KCNQ3: variants seen among roughly 807,000 people sequenced by gnomAD.
KCNQ3 encodes the protein potassium voltage-gated channel subfamily Q member 3.
In KCNQ3, 30 loss-of-function variants were observed where a neutral mutation model predicts 92.5. The ratio of observed to expected loss-of-function variants is 0.32; its 90% confidence interval spans 0.24 to 0.44. The LOEUF (loss-of-function observed/expected upper bound fraction) is 0.44, where lower values mean the gene tolerates loss of function less well. Among genes scored for constraint, KCNQ3 ranks in the 20% least tolerant of loss-of-function variants. The pLI is 1.00. For synonymous variants in KCNQ3, 450 were observed against 468.8 expected, an observed-to-expected ratio of 0.96 and a Z score of 0.52; for missense variants, 913 against 1,140.3, an observed-to-expected ratio of 0.80 and a Z score of 2.87.
chr8:132,279,687 T>C (rs1363131984), intron 1 of KCNQ3, among the ~76,000 whole-genome samples: 1 of 152,238 alleles, frequency 6.6e-6, no homozygotes, highest in Non-Finnish European at 1.5e-5. Context: ...TGTATATGTA[T>C]ACACATGATT....
chr8:132,313,359 G>T (rs991812225), intron 1 of KCNQ3, among the ~76,000 whole-genome samples: 1 of 152,160 alleles, frequency 6.6e-6, no homozygotes, highest in African/African-American at 2.4e-5. Context: ...AATTCACAAG[G>T]AAAGGAGAAC....
intron 1 of KCNQ3, among the ~76,000 whole-genome samples, chr8:132,205,139 T>A (rs1040229291): frequency 1.3e-5 from 2 of 152,182 alleles, no homozygotes; most frequent in Non-Finnish European, 2.9e-5. Context: ...TAGGACACAT[T>A]GTATCTGAGA....
At chr8:132,234,703 G>A (rs533754127) in intron 1 of KCNQ3, among the ~76,000 whole-genome samples, 62 of 152,296 alleles carry the variant, frequency 4.1e-4, no homozygotes, top group African/African-American at 1.5e-3. Context: ...GACCAATTAA[G>A]TGATTTGACT....
At chr8:132,234,811 C>T (rs549086873) in intron 1 of KCNQ3, among the ~76,000 whole-genome samples, 4 of 152,270 alleles carry the variant, frequency 2.6e-5, no homozygotes, top group African/African-American at 9.6e-5. Flanking sequence ...ACTTGGATAA[C>T]TGGGAGTTTC....
chr8:132,387,460 T>G (rs1563890197), intron 1 of KCNQ3, among the ~76,000 whole-genome samples: 1 of 152,134 alleles, frequency 6.6e-6, no homozygotes, highest in Admixed American at 6.5e-5. Context: ...TAGTGAAAAC[T>G]TAGAGCTAGT....
At chr8:132,234,916 C>CTA (rs1814762649) in intron 1 of KCNQ3, among the ~76,000 whole-genome samples, 2 of 152,192 alleles carry the variant, frequency 1.3e-5, no homozygotes. Context: ...TGCCTTGCCT[C>CTA]ATACAGTCCA....
chr8:132,388,453 T>C (rs1373800765), intron 1 of KCNQ3, among the ~76,000 whole-genome samples: 2 of 152,128 alleles, frequency 1.3e-5, no homozygotes, highest in African/African-American at 4.8e-5. Context: ...AGGGTACCGA[T>C]TAAAAACTTT....
At chr8:132,464,735 G>A (rs965876035) in intron 1 of KCNQ3, among the ~76,000 whole-genome samples, 6 of 152,162 alleles carry the variant, frequency 3.9e-5, no homozygotes, top group Non-Finnish European at 5.9e-5. Flanking sequence ...ACAACTTTTC[G>A]TGATCCCCAA....
At position 132,184,370 on chromosome 8, in the gene KCNQ3, G is replaced by T; in HGVS notation, c.478-3C>A. On this transcript the variant is annotated splice_region_variant and splice_polypyrimidine_tract_variant and intron_variant, in intron 2 of 14. Transcript: ENST00000388996. ...AAGATGAAAATAGCAAATGTCTCCT[G>T]CATGGAAGAGCATATGGAGAGGCAC... is the stretch of plus-strand genomic sequence containing the variant. The T allele has an allele frequency of 1.9e-6, 3 of 1,613,960 alleles. No individual in the cohort carries two copies. Among genetic ancestry groups the T allele is most frequent in the Admixed American group, 1.7e-5 (1 of 60,014 alleles).
chr8:132,397,345 A>G (rs1284106785), intron 1 of KCNQ3, among the ~76,000 whole-genome samples: 1 of 152,124 alleles, frequency 6.6e-6, no homozygotes, highest in Non-Finnish European at 1.5e-5. Context: ...GGGTGGAAAG[A>G]TGGCAGGGCA....
rs566065539 is a variant in KCNQ3 at position 132,288,423 on chromosome 8, C to A, written c.387-102242G>T. Among the ~76,000 whole-genome samples, 3 of 152,220 alleles carry A rather than the reference C, an allele frequency of 2.0e-5. No individual in the cohort carries two copies. In the East Asian group the frequency reaches 5.8e-4, roughly 29 times the overall value. ...CAATATTGGCTTCCTTTAGGAACTT[C>A]TTCTATATAAACATGAGATGCTCTG... On this transcript the variant is annotated intron_variant, in intron 1 of 14. Transcript: ENST00000388996.
chr8:132,131,791 A>T (rs1458220126), intron 14 of KCNQ3, among the ~76,000 whole-genome samples: 1 of 152,138 alleles, frequency 6.6e-6, no homozygotes, highest in Non-Finnish European at 1.5e-5. Context: ...TCTCCCTTTG[A>T]AAAACAATGG....
At chr8:132,239,265 C>T (rs1383601815) in intron 1 of KCNQ3, among the ~76,000 whole-genome samples, 2 of 152,186 alleles carry the variant, frequency 1.3e-5, no homozygotes, top group African/African-American at 4.8e-5. Flanking sequence ...GGGCTGATAG[C>T]TCCTGCAAAT....
chr8:132,321,065 G>A (rs1198328839), intron 1 of KCNQ3, among the ~76,000 whole-genome samples: 2 of 152,216 alleles, frequency 1.3e-5, no homozygotes, highest in Non-Finnish European at 2.9e-5. Flanking sequence ...AAGCTCCCAG[G>A]TGATTTGAAT....
At chr8:132,245,330 G>T (rs1815134331) in intron 1 of KCNQ3, among the ~76,000 whole-genome samples, 2 of 152,114 alleles carry the variant, frequency 1.3e-5, no homozygotes, top group African/African-American at 2.4e-5. Flanking sequence ...TAGGCCTGTT[G>T]TTCAGTGTCA....
At chr8:132,380,931 G>GAAAAAA (rs553931640) in intron 1 of KCNQ3, among the ~76,000 whole-genome samples, 4 of 87,468 alleles carry the variant, frequency 4.6e-5, no homozygotes, top group African/African-American at 7.3e-5. Context: ...AATGAAAGCA[G>GAAAAAA]AAAAAAAAAA....
intron 1 of KCNQ3, among the ~76,000 whole-genome samples, chr8:132,443,477 C>T (rs1821592511): frequency 6.6e-6 from 1 of 152,058 alleles, no homozygotes; most frequent in South Asian, 2.1e-4. Context: ...ATGGAGATGT[C>T]CACGTGTCAG....
chr8:132,408,273 G>A (rs1820549908), intron 1 of KCNQ3, among the ~76,000 whole-genome samples: 1 of 152,176 alleles, frequency 6.6e-6, no homozygotes, highest in Admixed American at 6.5e-5. Flanking sequence ...ATCCAGCAAT[G>A]TCTTAAGTCT....
chr8:132,334,048 A>G (rs1818300642), intron 1 of KCNQ3, among the ~76,000 whole-genome samples: 2 of 152,082 alleles, frequency 1.3e-5, no homozygotes, highest in Non-Finnish European at 2.9e-5. Context: ...GGACTACATA[A>G]TATTCCATCC....
Sources: gnomAD v4.1 joint callset for allele counts (sites outside exome capture counted in the v4.1 genomes callset) on GRCh38, gnomAD v4.1.1 for gene constraint, MANE v1.5 for transcripts, NCBI Gene and HGNC (gene_info 2026-07-23, HGNC 2026-07-21) for gene names.